The following ICA1L variants were observed in gnomAD, a reference collection of about 807,000 sequenced individuals.
The protein encoded by ICA1L is islet cell autoantigen 1-like protein.
A neutral mutation model predicts 61.3 loss-of-function variants in ICA1L; 50 were observed. The observed-to-expected ratio is 0.82, with a 90% CI of 0.65 to 1.03. The LOEUF (loss-of-function observed/expected upper bound fraction) is 1.03, where lower values mean the gene tolerates loss of function less well. Ranked by LOEUF, ICA1L falls within the 50% of genes least tolerant of loss-of-function variation. ICA1L has a pLI of 0.00. For synonymous variants in ICA1L, 161 were observed against 191.3 expected (o/e 0.84, Z 1.31); for missense variants, 508 against 556.7 (o/e 0.91, Z 0.88).
chr2:202,868,518 A>G (rs1442265192), intron 1 of ICA1L, among the ~76,000 whole-genome samples: 2 of 152,242 alleles, frequency 1.3e-5, no homozygotes, highest in Non-Finnish European at 2.9e-5. Context: ...TTGTGAGCAA[A>G]CAGTGCAAGA....
intron 1 of ICA1L, among the ~76,000 whole-genome samples, chr2:202,839,134 C>T (rs763981709): frequency 3.9e-5 from 6 of 152,148 alleles, no homozygotes; most frequent in Admixed American, 6.6e-5. Flanking sequence ...TATCTAACCC[C>T]ACTCTCTTTT....
At position 202,774,222 on chromosome 2, in the gene ICA1L, G is replaced by T. The variant is rs529529592; in HGVS notation, c.*5311C>A. 4 of 1,550,046 alleles carry T rather than the reference G, an allele frequency of 2.6e-6. No homozygotes were observed. Among genetic ancestry groups the T allele is most frequent in the Non-Finnish European group, 3.5e-6 (4 of 1,146,320 alleles). ...TCCAGCAGCGCCGGATCGAAGGCGCGGGGCGGCTCCTGAGTCTTCTCGCTC... is the reference window on the plus strand; with the variant it reads ...TCCAGCAGCGCCGGATCGAAGGCGCTGGGCGGCTCCTGAGTCTTCTCGCTC... On this transcript the variant is annotated 3_prime_UTR_variant, in exon 13 of 13. Transcript: ENST00000358299.
intron 2 of ICA1L, among the ~76,000 whole-genome samples, chr2:202,826,435 A>G (rs1244537756): frequency 6.6e-6 from 1 of 152,280 alleles, no homozygotes; most frequent in East Asian, 1.9e-4. Flanking sequence ...AGGTGTTCCC[A>G]GATAAACAAG....
rs1373299491 is a variant in ICA1L at position 202,814,719 on chromosome 2, A to G, written c.849T>C (p.Leu283=). ...CTGCTTACTTATTGAGCTGTTCAGTAAGAAAACCGCCTATTTGTTCATCTT... is the reference window on the plus strand; with the variant it reads ...CTGCTTACTTATTGAGCTGTTCAGTGAGAAAACCGCCTATTTGTTCATCTT... ...DNKDEQIGGF[L]TEQLNKLVLS... The change falls in exon 8 of 13, where the codon CTT becomes CTC. Residue 283 remains leucine, a synonymous_variant. Transcript: ENST00000358299. 1 of 1,613,578 alleles carries G rather than the reference A, an allele frequency of 6.2e-7. No homozygotes were observed. Among genetic ancestry groups the G allele is most frequent in the Admixed American group, 1.7e-5 (1 of 60,014 alleles).
chr2:202,789,120 TTTGATTTTA>T, intron 10 of ICA1L, 33 bp from the exon 11 acceptor site: 1 of 1,565,262 alleles, frequency 6.4e-7, no homozygotes, highest in Non-Finnish European at 8.7e-7. Flanking sequence ...GAAAGGCTTT[TTTGATTTTA>T]GGAAATGAGA....
At chr2:202,800,483 G>T (rs540859375) in intron 9 of ICA1L, among the ~76,000 whole-genome samples, 1 of 152,220 alleles carries the variant, frequency 6.6e-6, no homozygotes, top group African/African-American at 2.4e-5. Flanking sequence ...TGCAACAATG[G>T]GAGCCAGTTT....
intron 5 of ICA1L, 72 bp from the exon 6 acceptor site, chr2:202,817,615 T>C (rs1574350441): frequency 1.3e-6 from 1 of 750,184 alleles, no homozygotes; most frequent in East Asian, 3.1e-5. Context: ...GACATAAATA[T>C]AGTATACAGG....
At chr2:202,834,235 T>C (rs1243415216) in intron 1 of ICA1L, among the ~76,000 whole-genome samples, 1 of 152,152 alleles carries the variant, frequency 6.6e-6, no homozygotes, top group Non-Finnish European at 1.5e-5. Flanking sequence ...ACCAGATAAT[T>C]TGGATTTATA....
intron 8 of ICA1L, among the ~76,000 whole-genome samples, chr2:202,812,606 A>ACATAGGTT (rs1192263068): frequency 6.6e-6 from 1 of 152,096 alleles, no homozygotes; most frequent in African/African-American, 2.4e-5. Flanking sequence ...TTGAACACAG[A>ACATAGGTT]CATAGTCACT....
intron 3 of ICA1L, among the ~76,000 whole-genome samples, chr2:202,823,593 T>C (rs1693755902): frequency 1.3e-5 from 2 of 152,116 alleles, no homozygotes; most frequent in Admixed American, 1.3e-4. Flanking sequence ...CTTTGTTCCT[T>C]TATCCTCCCA....
At chr2:202,789,157 A>C in intron 10 of ICA1L, 70 bp from the exon 11 acceptor site, 2 of 1,274,558 alleles carry the variant, frequency 1.6e-6, no homozygotes, top group Non-Finnish European at 2.2e-6. Context: ...CATAGGATGA[A>C]TCAAATTTGT....
chr2:202,851,242 A>G (rs1266020817), intron 1 of ICA1L, among the ~76,000 whole-genome samples: 3 of 149,264 alleles, frequency 2.0e-5, no homozygotes, highest in Non-Finnish European at 4.4e-5. Context: ...ATTCCCACCT[A>G]TGAGTGAGAA....
chr2:202,842,020 T>G (rs1373775040), intron 1 of ICA1L, among the ~76,000 whole-genome samples: 1 of 151,860 alleles, frequency 6.6e-6, no homozygotes, highest in African/African-American at 2.4e-5. Context: ...CCAGCTAATT[T>G]TGGTATTTTT....
chr2:202,818,699 T>G (rs1693611340), intron 5 of ICA1L, among the ~76,000 whole-genome samples: 1 of 152,236 alleles, frequency 6.6e-6, no homozygotes, highest in Non-Finnish European at 1.5e-5. Flanking sequence ...AAGCTCTTTT[T>G]GCCTGCCACC....
intron 1 of ICA1L, among the ~76,000 whole-genome samples, chr2:202,835,847 A>AC (rs1268998751): frequency 7.9e-5 from 12 of 152,040 alleles, no homozygotes; most frequent in Non-Finnish European, 1.8e-4. Context: ...ACCATGTCTG[A>AC]CCACTACTGA....
At chr2:202,866,222 T>C (rs1687507220) in intron 1 of ICA1L, among the ~76,000 whole-genome samples, 1 of 152,182 alleles carries the variant, frequency 6.6e-6, no homozygotes, top group Non-Finnish European at 1.5e-5. Context: ...TCCTCCTGAA[T>C]GGCTTGGTGA....
intron 10 of ICA1L, among the ~76,000 whole-genome samples, chr2:202,792,020 T>G (rs912324287): frequency 2.6e-5 from 4 of 151,870 alleles, no homozygotes; most frequent in African/African-American, 7.3e-5. Flanking sequence ...ATACAAAAAT[T>G]AGCTGGGTGT....
rs572731771 is a variant in ICA1L, at chr2:202,849,032, G to A, written c.-7-20016C>T. ...GCGTTGCCTCATCCAGGAAGTGCAA[G>A]GAGCTGGGGCCCTCCCTCCCCCAGC... On this transcript the variant is annotated intron_variant, in intron 1 of 12. Coordinates refer to ENST00000358299, the MANE Select transcript of ICA1L (RefSeq NM_001288622.3). The surrounding 1 kb of genome is among the most constrained non-coding windows in gnomAD (Gnocchi z 4.5). Among the ~76,000 whole-genome samples, 10 of 152,240 alleles carry A rather than the reference G, an allele frequency of 6.6e-5. No individual in the cohort carries two copies. The highest frequency in any genetic ancestry group is 1.7e-4 in the African/African-American group (7 of 41,546).
chr2:202,839,580 G>C (rs1182846766), intron 1 of ICA1L, among the ~76,000 whole-genome samples: 1 of 67,482 alleles, frequency 1.5e-5, no homozygotes, highest in African/African-American at 3.7e-5. Context: ...GTGTGTGTGT[G>C]TGTGTGTGTG....
Sources: gnomAD v4.1 joint callset for allele counts (sites outside exome capture counted in the v4.1 genomes callset) on GRCh38, gnomAD v4.1.1 for gene constraint, Gnocchi (gnomAD v3.1) non-coding constraint, MANE v1.5 for transcripts, NCBI Gene and HGNC (gene_info 2026-07-23, HGNC 2026-07-21) for gene names.